MAP4: variants seen among roughly 807,000 people sequenced by gnomAD.
MAP4 encodes microtubule-associated protein 4.
In MAP4, 76 loss-of-function variants were observed where a neutral mutation model predicts 170.2. The observed-to-expected ratio is 0.45, with a 90% CI of 0.37 to 0.54. The LOEUF (loss-of-function observed/expected upper bound fraction) is 0.54, where lower values mean the gene tolerates loss of function less well. Ranked by LOEUF, MAP4 falls within the 20% of genes least tolerant of loss-of-function variation. The pLI is 0.00. For missense variants in MAP4, 2,506 were observed against 2,748.0 expected, an observed-to-expected ratio of 0.91 and a Z score of 1.97; for synonymous variants, 909 against 994.5, an observed-to-expected ratio of 0.91 and a Z score of 1.62.
Position 47,999,238 on chromosome 3 carries a change from T to C in MAP4, c.-19-359A>G, listed in dbSNP as rs79764794. On this transcript the variant is annotated intron_variant, in intron 1 of 20. Transcript: ENST00000683076. Reference sequence around the variant, plus strand: ...GCCAGTAAGATTCAAATCAGGTCTTTACATAGTTACATTACTATCGGACAA... The same window carrying C: ...GCCAGTAAGATTCAAATCAGGTCTTCACATAGTTACATTACTATCGGACAA... 4.2e-3 allele frequency among the ~76,000 whole-genome samples: 646 copies of C among 152,308 alleles called. 5 individuals carry two copies. Among genetic ancestry groups the C allele is most frequent in the African/African-American group, 0.014 (589 of 41,556 alleles).
At chr3:47,927,482 T>C (rs2100046707) in intron 4 of MAP4, among the ~76,000 whole-genome samples, 1 of 152,100 alleles carries the variant, frequency 6.6e-6, no homozygotes, top group African/African-American at 2.4e-5. Flanking sequence ...TTTGTTTGTT[T>C]GTTTGTTTTT....
chr3:48,061,198 C>A (rs1312551168), intron 1 of MAP4, among the ~76,000 whole-genome samples: 1 of 147,412 alleles, frequency 6.8e-6, no homozygotes, highest in East Asian at 2.0e-4. Context: ...CTCCCCCTCC[C>A]CCTCTCCCTC....
chr3:48,021,157 C>T (rs944747805), upstream of MAP4, among the ~76,000 whole-genome samples: 1 of 152,158 alleles, frequency 6.6e-6, no homozygotes, highest in Non-Finnish European at 1.5e-5. Context: ...AAAGACATCA[C>T]ACTCCCCCTT....
At chr3:48,022,770 A>G (rs1253393370) in intron 1 of MAP4, among the ~76,000 whole-genome samples, 1 of 152,188 alleles carries the variant, frequency 6.6e-6, no homozygotes, top group African/African-American at 2.4e-5. Flanking sequence ...ATGCGCCTAT[A>G]GTCCCAGCTA....
chr3:47,925,264 T>C (rs2153740023), intron 4 of MAP4, among the ~76,000 whole-genome samples: 1 of 152,344 alleles, frequency 6.6e-6, no homozygotes, highest in East Asian at 1.9e-4. Flanking sequence ...GGACGCCATC[T>C]TGGCAGTTGA....
At chr3:48,076,355 A>G (rs2154567824) in intron 1 of MAP4, among the ~76,000 whole-genome samples, 1 of 151,854 alleles carries the variant, frequency 6.6e-6, no homozygotes, top group Non-Finnish European at 1.5e-5. Flanking sequence ...AAAAAAAATT[A>G]GCCGGGCATG....
intron 4 of MAP4, among the ~76,000 whole-genome samples, chr3:47,927,192 A>G (rs1577746105): frequency 6.6e-6 from 1 of 151,802 alleles, no homozygotes; most frequent in African/African-American, 2.4e-5. Flanking sequence ...ATCTCAATAC[A>G]GCTTTTTCTT....
chr3:47,870,737 C>T (rs1320571177), intron 15 of MAP4, 76 bp downstream of exon 15: 2 of 1,426,990 alleles, frequency 1.4e-6, no homozygotes, highest in Admixed American at 2.4e-5. Flanking sequence ...CTTTGGTGGG[C>T]CTGGGAACAG....
intron 2 of MAP4, among the ~76,000 whole-genome samples, chr3:47,985,481 TAAAGA>T (rs1445692529): frequency 2.0e-5 from 3 of 152,002 alleles, no homozygotes; most frequent in Non-Finnish European, 4.4e-5. Flanking sequence ...AAAATTACAG[TAAAGA>T]AAACAGGCAG....
At chr3:47,994,034 C>T (rs906931861) in intron 2 of MAP4, among the ~76,000 whole-genome samples, 5 of 152,086 alleles carry the variant, frequency 3.3e-5, no homozygotes, top group African/African-American at 1.2e-4. Flanking sequence ...GATTTGGTTC[C>T]TTCTTTTTTG....
chr3:47,850,949 C>T lies in MAP4; in HGVS notation c.*1985G>A, dbSNP rs954009575. The T allele has an allele frequency of 6.6e-6, 1 of 152,450 alleles. No homozygotes were observed. The highest frequency in any genetic ancestry group is 1.5e-5 in the Non-Finnish European group (1 of 68,148). The allele number at this position is 152,450 out of a possible 1,614,324, so 9.4% of individuals were successfully genotyped here. A position where few individuals can be genotyped will look rare whatever the true frequency, so the allele number is the denominator to read the frequency against. On this transcript the variant is annotated 3_prime_UTR_variant, in exon 21 of 21. Transcript: ENST00000683076. ...GAGAGCACGCCACTTGGGCCACCTA[C>T]CCCCAACCTTTGGCCAAAGGAGTGA...
chr3:47,995,087 T>C (rs965921088), intron 2 of MAP4, among the ~76,000 whole-genome samples: 2 of 152,150 alleles, frequency 1.3e-5, no homozygotes, highest in South Asian at 2.1e-4. Flanking sequence ...TTTGGACCAA[T>C]TGGATTTTGT....
At chr3:47,864,545 C>T (rs1057408363) in intron 17 of MAP4, among the ~76,000 whole-genome samples, 6 of 152,064 alleles carry the variant, frequency 3.9e-5, no homozygotes, top group South Asian at 2.1e-4. Flanking sequence ...GGCATTGTGG[C>T]GGGCGCCTGT....
At chr3:47,912,501 C>G in intron 8 of MAP4, 80 bp from the exon 9 acceptor site, 1 of 1,276,580 alleles carries the variant, frequency 7.8e-7, no homozygotes, top group South Asian at 1.6e-5. Context: ...AAAAACCAGA[C>G]CATATAAATG....
At chr3:47,947,742 C>A (rs1342597353) in intron 3 of MAP4, among the ~76,000 whole-genome samples, 1 of 144,988 alleles carries the variant, frequency 6.9e-6, no homozygotes, top group Non-Finnish European at 1.5e-5. Flanking sequence ...ACCCGGGAGG[C>A]AGAGGTTGCA....
chr3:47,974,588 A>G (rs2100080835), intron 3 of MAP4: 1 of 967,096 alleles, frequency 1.0e-6, no homozygotes, highest in Admixed American at 6.2e-5. Context: ...AATTCCTCTA[A>G]GATTTCAAAA....
intron 1 of MAP4, among the ~76,000 whole-genome samples, chr3:48,007,913 C>T (rs138929434): frequency 6.6e-6 from 1 of 152,036 alleles, no homozygotes; most frequent in Non-Finnish European, 1.5e-5. Context: ...CCTTGTGATC[C>T]GCCCACCTCA....
intron 9 of MAP4, among the ~76,000 whole-genome samples, chr3:47,903,400 G>GT (rs1408957358): frequency 1.3e-5 from 2 of 152,138 alleles, no homozygotes; most frequent in African/African-American, 4.8e-5. Flanking sequence ...AGGCATAGTG[G>GT]TGGGCGCCTG....
rs2100036412 is a variant in MAP4 at position 47,912,400 on chromosome 3, G to A, written c.2021C>T (p.Thr674Ile). 6.7e-7 allele frequency: 1 copy of A among 1,490,732 alleles called. No homozygotes were observed. Among genetic ancestry groups the A allele is most frequent in the Middle Eastern group, 1.7e-4 (1 of 5,782 alleles). The allele number at this position is 1,490,732 out of a possible 1,614,324, so 92.3% of individuals were successfully genotyped here. A position where few individuals can be genotyped will look rare whatever the true frequency, so the allele number is the denominator to read the frequency against. ...AACTTGTTTGGCTTGTGTGGGAGGG[G>A]TACCGCAATACATGAAGTTGGCTAA... is the stretch of plus-strand genomic sequence containing the variant. ...ETSANFMYCG[T>I]PPTQAKQVCR... Residue 674 changes from threonine to isoleucine, a missense_variant, in exon 9 of 21, where the codon ACC becomes ATC. Coordinates refer to ENST00000683076, the MANE Select transcript of MAP4 (RefSeq NM_001385682.1).
Sources: allele counts gnomAD v4.1 joint callset (sites outside exome capture counted in the v4.1 genomes callset), GRCh38; gene constraint gnomAD v4.1.1; transcripts MANE v1.5; gene names NCBI Gene and HGNC (gene_info 2026-07-23, HGNC 2026-07-21).